The following DTNA variants were observed in gnomAD, a reference collection of about 807,000 sequenced individuals.
The protein encoded by DTNA is dystrobrevin alpha.
In DTNA, 43 loss-of-function variants were observed where a neutral mutation model predicts 100.7. The ratio of observed to expected loss-of-function variants is 0.43; its 90% confidence interval spans 0.33 to 0.55. The LOEUF (loss-of-function observed/expected upper bound fraction) is 0.55, where lower values mean the gene tolerates loss of function less well. Among genes scored for constraint, DTNA ranks in the 20% least tolerant of loss-of-function variants. DTNA has a pLI of 0.04. For missense variants in DTNA, 798 were observed against 953.9 expected, an observed-to-expected ratio of 0.84 and a Z score of 2.15; for synonymous variants, 349 against 347.9, an observed-to-expected ratio of 1.00 and a Z score of -0.04.
chr18:34,779,973 C>T (rs555862145), intron 3 of DTNA, among the ~76,000 whole-genome samples: 1 of 152,150 alleles, frequency 6.6e-6, no homozygotes, highest in Non-Finnish European at 1.5e-5. Flanking sequence ...AGTGGATCTA[C>T]TATCAAATAG....
At chr18:34,770,865 C>A (rs962432397) in intron 3 of DTNA, among the ~76,000 whole-genome samples, 1 of 147,592 alleles carries the variant, frequency 6.8e-6, no homozygotes, top group African/African-American at 2.5e-5. Context: ...TCACTGCAAC[C>A]TCTGCCTCCT....
At chr18:34,693,994 C>T (rs969088361) in intron 1 of DTNA, among the ~76,000 whole-genome samples, 5 of 152,122 alleles carry the variant, frequency 3.3e-5, no homozygotes, top group Non-Finnish European at 7.3e-5. Flanking sequence ...CTTTGGTCTA[C>T]TACTGTTATA....
At chr18:34,599,508 T>G (rs1286124569) in intron 1 of DTNA, among the ~76,000 whole-genome samples, 1 of 152,226 alleles carries the variant, frequency 6.6e-6, no homozygotes, top group Non-Finnish European at 1.5e-5. Context: ...TACTGAAGGA[T>G]ATCATGTTAA....
Position 34,818,324 on chromosome 18 carries a change from G to T in DTNA, c.870G>T (p.Thr290=). The change falls in exon 8 of 23, where the codon ACG becomes ACT. Residue 290 remains threonine (T), a synonymous_variant. Coordinates refer to ENST00000444659, the MANE Select transcript of DTNA (RefSeq NM_001386795.1). ...HSNQHQMKEY[T]SWKSPAKKLT... ...ACCAGCACCAAATGAAAGAGTACAC[G>T]TCATGGGTAAGGCAAGGTCCAGGCA... 1.2e-6 allele frequency: 2 copies of T among 1,613,762 alleles called. No homozygotes were observed. Among genetic ancestry groups the T allele is most frequent in the Non-Finnish European group, 8.5e-7 (1 of 1,179,824 alleles).
chr18:34,775,621 A>G (rs758098832), intron 3 of DTNA, among the ~76,000 whole-genome samples: 1 of 152,290 alleles, frequency 6.6e-6, no homozygotes, highest in Non-Finnish European at 1.5e-5. Context: ...AAAGTGCCAC[A>G]TGCTCAATCA....
intron 1 of DTNA, among the ~76,000 whole-genome samples, chr18:34,669,444 T>C (rs1408330620): frequency 6.6e-6 from 1 of 152,216 alleles, no homozygotes; most frequent in African/African-American, 2.4e-5. Flanking sequence ...TTAATACTGT[T>C]ATGTGTGAAT....
chr18:34,788,668 G>A (rs2094594990), intron 3 of DTNA, among the ~76,000 whole-genome samples: 1 of 152,146 alleles, frequency 6.6e-6, no homozygotes, highest in South Asian at 2.1e-4. Flanking sequence ...CTAATGACCC[G>A]ATATGGTAAA....
At chr18:34,527,299 T>C (rs1021220722) in intron 1 of DTNA, among the ~76,000 whole-genome samples, 3 of 152,028 alleles carry the variant, frequency 2.0e-5, no homozygotes, top group Non-Finnish European at 4.4e-5. Context: ...AAGTCATACT[T>C]CCCACAAACC....
chr18:34,809,117 C>A (rs747023188), intron 5 of DTNA, among the ~76,000 whole-genome samples: 37 of 152,114 alleles, frequency 2.4e-4, no homozygotes, highest in Non-Finnish European at 4.9e-4. Context: ...GTTAACTAGT[C>A]AAAAATGAAT....
At chr18:34,618,828 T>C (rs1364458181) in intron 1 of DTNA, among the ~76,000 whole-genome samples, 1 of 152,204 alleles carries the variant, frequency 6.6e-6, no homozygotes, top group Non-Finnish European at 1.5e-5. Flanking sequence ...ACTTTGATCA[T>C]CAGCCATGTA....
At chr18:34,667,384 C>T (rs2144833084) in intron 1 of DTNA, among the ~76,000 whole-genome samples, 1 of 152,332 alleles carries the variant, frequency 6.6e-6, no homozygotes, top group East Asian at 1.9e-4. Flanking sequence ...GACAATTTGA[C>T]TTCCTCTTTT....
chr18:34,773,357 A>G (rs529874062), intron 3 of DTNA, among the ~76,000 whole-genome samples: 2 of 152,360 alleles, frequency 1.3e-5, no homozygotes, highest in South Asian at 2.1e-4. Context: ...GGATGTAAAA[A>G]TAAAGTTTAA....
intron 1 of DTNA, among the ~76,000 whole-genome samples, chr18:34,745,388 A>T (rs11876211): frequency 0.11 from 16,661 of 152,076 alleles, 1,297 homozygotes; most frequent in African/African-American, 0.21. Context: ...AGCCCCAGTA[A>T]TTTTTCTCAA....
At chr18:34,636,059 T>G (rs1366374988) in intron 1 of DTNA, among the ~76,000 whole-genome samples, 2 of 152,244 alleles carry the variant, frequency 1.3e-5, no homozygotes, top group African/African-American at 4.8e-5. Context: ...ACACAATATA[T>G]TCTTCAGTGT....
chr18:34,587,433 C>T (rs1567958678), intron 1 of DTNA, among the ~76,000 whole-genome samples: 1 of 151,948 alleles, frequency 6.6e-6, no homozygotes. Context: ...AAATGCTGTG[C>T]CTGTTCTTTG....
At position 34,794,249 on chromosome 18, in the gene DTNA, C is replaced by T; in HGVS notation, c.361C>T (p.Pro121Ser). The change falls in exon 4 of 23, where the codon CCG (proline) becomes TCG (serine). Residue 121 changes from proline (P) to serine (S), a missense_variant and splice_region_variant. Pro to Ser is a moderately conservative substitution (Grantham distance 74). This residue lies in a region of DTNA where 197 missense variants were observed against 215.4 expected (regional missense o/e 0.91). Transcript: ENST00000444659. ...LLNFLLAAFD[P>S]EGHGKISVFA... ...TAACTTCCTGCTTGCAGCGTTTGATCCGTAAGCACCCTCTGAATGTCTGTT... is the reference window on the plus strand; with the variant it reads ...TAACTTCCTGCTTGCAGCGTTTGATTCGTAAGCACCCTCTGAATGTCTGTT... 1 of 1,613,980 alleles carries T rather than the reference C, an allele frequency of 6.2e-7. No individual in the cohort carries two copies. The highest frequency in any genetic ancestry group is 8.5e-7 in the Non-Finnish European group (1 of 1,179,894).
intron 4 of DTNA, among the ~76,000 whole-genome samples, chr18:34,799,215 C>G (rs1278728224): frequency 6.6e-6 from 1 of 152,082 alleles, no homozygotes; most frequent in African/African-American, 2.4e-5. Context: ...AATACAAAAT[C>G]CTGGTATTTT....
rs575517892 is a variant in DTNA, at chr18:34,836,702, A to G, written c.1176-1392A>G. On this transcript the variant is annotated intron_variant, in intron 11 of 22. Coordinates refer to ENST00000444659, the MANE Select transcript of DTNA (RefSeq NM_001386795.1). ...TTGTTGGGTACAGTTGAACTTTTTA[A>G]GTACAGCAATACTTTATATAACAGA... Among the ~76,000 whole-genome samples, 5 of 152,064 alleles carry G rather than the reference A, an allele frequency of 3.3e-5. No homozygotes were observed. The East Asian group carries it at 9.7e-4, about 29-fold the overall frequency.
At chr18:34,730,106 A>T (rs1321977370) in intron 1 of DTNA, among the ~76,000 whole-genome samples, 5 of 152,174 alleles carry the variant, frequency 3.3e-5, no homozygotes, top group Non-Finnish European at 7.4e-5. Flanking sequence ...AGCCTACAGG[A>T]TGTACGAGTT....
Sources: gnomAD v4.1 joint callset for allele counts (sites outside exome capture counted in the v4.1 genomes callset) on GRCh38, gnomAD v4.1.1 for gene constraint, gnomAD v4.1.1 regional missense constraint, MANE v1.5 for transcripts, NCBI Gene and HGNC (gene_info 2026-07-23, HGNC 2026-07-21) for gene names.